PADI1: variants seen among roughly 807,000 people sequenced by gnomAD.
PADI1 encodes protein-arginine deiminase type-1.
In PADI1, 65 loss-of-function variants were observed where a neutral mutation model predicts 74.8. The observed-to-expected ratio is 0.87, with a 90% CI of 0.71 to 1.07. The LOEUF (loss-of-function observed/expected upper bound fraction) is 1.07. PADI1 is among the 50% of genes least tolerant of loss of function. The pLI, the probability that PADI1 is intolerant of heterozygous loss-of-function variation, is 0.00. For missense variants in PADI1, 943 were observed against 854.0 expected, an observed-to-expected ratio of 1.10 and a Z score of -1.30; for synonymous variants, 371 against 336.2, an observed-to-expected ratio of 1.10 and a Z score of -1.13.
intron 1 of PADI1, among the ~76,000 whole-genome samples, chr1:17,213,392 G>A (rs2071885066): frequency 6.6e-6 from 1 of 152,158 alleles, no homozygotes. Flanking sequence ...CTCTTCAACA[G>A]ACAGATAAAC....
intron 1 of PADI1, among the ~76,000 whole-genome samples, chr1:17,211,367 G>C (rs144864660): frequency 0.01 from 1,542 of 152,020 alleles, 14 homozygotes; most frequent in Non-Finnish European, 0.017. Flanking sequence ...AATAGAGATG[G>C]GGTTTTACTA....
intron 1 of PADI1, among the ~76,000 whole-genome samples, chr1:17,206,974 C>T (rs1285047036): frequency 6.6e-6 from 1 of 152,162 alleles, no homozygotes; most frequent in African/African-American, 2.4e-5. Flanking sequence ...AGCCACCGTA[C>T]CTGGCCACTA....
intron 11 of PADI1, among the ~76,000 whole-genome samples, chr1:17,235,261 G>GGGAAGGAAGAAAGGAAGGAA (rs2072607689): frequency 2.7e-5 from 2 of 72,978 alleles, no homozygotes; most frequent in African/African-American, 1.3e-4. Flanking sequence ...GAGGGAGGAA[G>GGGAAGGAAGAAAGGAAGGAA]GGAAGGAAGG....
Position 17,210,317 on chromosome 1 carries a change from C to T in PADI1, c.92+5008C>T, listed in dbSNP as rs558820896. Among the ~76,000 whole-genome samples the T allele has an allele frequency of 9.9e-5, 15 of 152,134 alleles. No homozygotes were observed. The East Asian group carries it at 2.9e-3, about 30-fold the overall frequency. On this transcript the variant is annotated intron_variant, in intron 1 of 15. Transcript: ENST00000375471. ...GATTACAGGCCTGAGCCACCGCGCCCGGCCAATTTTTTTCCATTTTACCTT... is the reference window on the plus strand; with the variant it reads ...GATTACAGGCCTGAGCCACCGCGCCTGGCCAATTTTTTTCCATTTTACCTT...
At chr1:17,207,378 G>A (rs890083467) in intron 1 of PADI1, among the ~76,000 whole-genome samples, 5 of 152,234 alleles carry the variant, frequency 3.3e-5, no homozygotes, top group East Asian at 1.9e-4. Flanking sequence ...GGCTCCAGGC[G>A]TGGCTGGAGC....
At position 17,224,406 on chromosome 1, in the gene PADI1, T is replaced by G; in HGVS notation, c.386T>G (p.Val129Gly). 1.2e-6 allele frequency: 2 copies of G among 1,613,830 alleles called. No individual in the cohort carries two copies. The highest frequency in any genetic ancestry group is 1.7e-6 in the Non-Finnish European group (2 of 1,179,880). Residue 129 changes from valine to glycine, a missense_variant, in exon 4 of 16, where the codon GTG becomes GGG. Transcript: ENST00000375471. ...GTTGACACAGGCCGCACAGGCAAGG[T>G]GAAGAGGAGCCAAGGGGACAAGGTG... is the stretch of plus-strand genomic sequence containing the variant. ...LEVDTGRTGKVKRSQGDKKTW... is the reference protein window; with the variant it reads ...LEVDTGRTGKGKRSQGDKKTW...
At position 17,236,088 on chromosome 1, in the gene PADI1, G is replaced by A. The variant is rs560957430; in HGVS notation, c.1314-1226G>A. 2.2e-4 allele frequency among the ~76,000 whole-genome samples: 34 copies of A among 152,258 alleles called. No homozygotes were observed. The South Asian group carries it at 7.0e-3, about 32-fold the overall frequency. ...AGAACCCAGGTCTCCTTCTACCTGGGCTCCAAACTCAAATTTAGCACCTCA... is the reference window on the plus strand; with the variant it reads ...AGAACCCAGGTCTCCTTCTACCTGGACTCCAAACTCAAATTTAGCACCTCA... On this transcript the variant is annotated intron_variant, in intron 11 of 15. Transcript: ENST00000375471.
intron 11 of PADI1, among the ~76,000 whole-genome samples, chr1:17,235,634 G>A (rs2072624123): frequency 6.6e-6 from 1 of 151,594 alleles, no homozygotes; most frequent in East Asian, 1.9e-4. Context: ...GTAGGCTCAG[G>A]GGCAGAGAGC....
At position 17,205,324 on chromosome 1, in the gene PADI1, G is replaced by T; in HGVS notation, c.92+15G>T. On this transcript the variant is annotated intron_variant, in intron 1 of 15. Transcript: ENST00000375471. ...GACATTCACAGGTAAGAGCTGGGAG[G>T]CGCTCTCCTGGCTGCAGAGAGCTGG... is the stretch of plus-strand genomic sequence containing the variant. 6.2e-7 allele frequency: 1 copy of T among 1,602,274 alleles called. No homozygotes were observed. Among genetic ancestry groups the T allele is most frequent in the South Asian group, 1.1e-5 (1 of 90,788 alleles).
intron 1 of PADI1, among the ~76,000 whole-genome samples, chr1:17,215,064 C>G (rs945922337): frequency 1.3e-5 from 2 of 152,204 alleles, no homozygotes; most frequent in African/African-American, 4.8e-5. Flanking sequence ...GGGCTGGGAA[C>G]TAGAATAGGC....
rs1342128689 is a variant in PADI1, at chr1:17,223,612, G to A, written c.274-9G>A. The stretch of plus-strand genomic sequence containing the variant: ...GATGGCCGTGCAGGCTTAGGGCTAT[G>A]TTCTGCAGGTGAGGGTCTCCTACTT... On this transcript the variant is annotated splice_polypyrimidine_tract_variant and intron_variant, in intron 2 of 15. Transcript: ENST00000375471. 2 of 1,612,404 alleles carry A rather than the reference G, an allele frequency of 1.2e-6. No individual in the cohort carries two copies. Among genetic ancestry groups the A allele is most frequent in the African/African-American group, 2.7e-5 (2 of 74,902 alleles).
rs555324028 is a variant in PADI1, at chr1:17,226,161, G to A, written c.652+3G>A. On this transcript the variant is annotated splice_donor_region_variant and intron_variant, in intron 6 of 15. Transcript: ENST00000375471. ...AGTGAGGGTCTTCTGTGCCAGGGGT[G>A]AGTGGCCTGATGGGGCCTTTTCCTC... 18 of 1,614,046 alleles carry A rather than the reference G, an allele frequency of 1.1e-5. No homozygotes were observed. The African/African-American group carries it at 2.1e-4, about 19-fold the overall frequency.
intron 11 of PADI1, among the ~76,000 whole-genome samples, chr1:17,233,291 G>A (rs540980948): frequency 6.6e-6 from 1 of 152,322 alleles, no homozygotes; most frequent in East Asian, 1.9e-4. Context: ...AAAAATTGGA[G>A]AAGCTGGGGA....
chr1:17,215,729 T>G (rs1465588102), intron 1 of PADI1, among the ~76,000 whole-genome samples: 2 of 152,186 alleles, frequency 1.3e-5, no homozygotes, highest in Non-Finnish European at 2.9e-5. Context: ...CGCTGTGTCC[T>G]TGTCCAGAAC....
At chr1:17,230,782 G>A in intron 10 of PADI1, 103 bp downstream of exon 10, 1 of 688,224 alleles carries the variant, frequency 1.5e-6, no homozygotes, top group Non-Finnish European at 2.5e-6. Flanking sequence ...CAGAGAACAG[G>A]AAGAGGGGGC....
chr1:17,233,651 G>A (rs2072559033), intron 11 of PADI1, among the ~76,000 whole-genome samples: 1 of 152,250 alleles, frequency 6.6e-6, no homozygotes, highest in Admixed American at 6.5e-5. Context: ...GGGTCCCCCT[G>A]TTTCCTCCCT....
At chr1:17,225,968 G>C in intron 5 of PADI1, 40 bp downstream of exon 5, 1 of 1,611,556 alleles carries the variant, frequency 6.2e-7, no homozygotes, top group Non-Finnish European at 8.5e-7. Flanking sequence ...TGGGGAAGGG[G>C]GATGGAAGTG....
chr1:17,228,546 G>A (rs1557469642), intron 6 of PADI1, 79 bp from the exon 7 acceptor site: 45 of 1,494,918 alleles, frequency 3.0e-5, no homozygotes, highest in Non-Finnish European at 3.4e-5. Context: ...AACCACAAAG[G>A]GGGCTCTGTC....
intron 11 of PADI1, among the ~76,000 whole-genome samples, chr1:17,236,932 A>G (rs1463911036): frequency 1.3e-5 from 2 of 152,230 alleles, no homozygotes; most frequent in African/African-American, 4.8e-5. Flanking sequence ...GGCTGGAGAC[A>G]GCAGATCAGC....
Sources: allele counts gnomAD v4.1 joint callset (sites outside exome capture counted in the v4.1 genomes callset), GRCh38; gene constraint gnomAD v4.1.1; transcripts MANE v1.5; gene names NCBI Gene and HGNC (gene_info 2026-07-23, HGNC 2026-07-21).